The following SEZ6 variants were observed in gnomAD, a reference collection of about 807,000 sequenced individuals.
SEZ6 encodes the protein seizure related 6 homolog.
A neutral mutation model predicts 101.0 loss-of-function variants in SEZ6; 53 were observed. That is an observed-to-expected ratio of 0.52 (90% CI 0.42 to 0.66). The LOEUF (loss-of-function observed/expected upper bound fraction) is 0.66, where lower values mean the gene tolerates loss of function less well. Among genes scored for constraint, SEZ6 ranks in the 30% least tolerant of loss-of-function variants. SEZ6 has a pLI of 0.00. For synonymous variants in SEZ6, 488 were observed against 512.2 expected (o/e 0.95, Z 0.64); for missense variants, 1,102 against 1,289.4 (o/e 0.85, Z 2.23).
intron 2 of SEZ6, 53 bp from the exon 3 acceptor site, chr17:28,979,866 A>C: frequency 6.5e-7 from 1 of 1,540,704 alleles, no homozygotes; most frequent in Admixed American, 1.9e-5. Context: ...GAAGTGGTCC[A>C]ACTAAGGCTG....
Position 28,959,675 on chromosome 17 carries a change from C to T in SEZ6, c.1771+23G>A, listed in dbSNP as rs1171201402. The T allele has an allele frequency of 5.8e-6, 9 of 1,562,294 alleles. No individual in the cohort carries two copies. The highest frequency in any genetic ancestry group is 6.9e-6 in the Non-Finnish European group (8 of 1,153,402). On this transcript the variant is annotated intron_variant, in intron 8 of 16. Coordinates refer to ENST00000317338, the MANE Select transcript of SEZ6 (RefSeq NM_178860.5). This position sits in a 1 kb window ranked among gnomAD's most constrained non-coding sequence, Gnocchi z 4.4. ...ATGACCCTGCCTTTTGCCCGGTAGGCCCATCCACTGGTGTCTACTGACCTC... is the reference window on the plus strand; with the variant it reads ...ATGACCCTGCCTTTTGCCCGGTAGGTCCATCCACTGGTGTCTACTGACCTC...
intron 1 of SEZ6, among the ~76,000 whole-genome samples, chr17:28,999,050 CCAAT>C (rs944424530): frequency 1.3e-5 from 2 of 152,136 alleles, no homozygotes; most frequent in African/African-American, 4.8e-5. Context: ...TATATTCCTC[CCAAT>C]CAAAGCACCT....
At chr17:28,992,688 A>G (rs145493046) in intron 1 of SEZ6, among the ~76,000 whole-genome samples, 308 of 152,008 alleles carry the variant, frequency 2.0e-3, no homozygotes, top group African/African-American at 7.1e-3. Flanking sequence ...TGGGGGAGGG[A>G]GAGACTAGTT....
At chr17:28,987,726 T>C (rs1297989545) in intron 1 of SEZ6, among the ~76,000 whole-genome samples, 1 of 152,166 alleles carries the variant, frequency 6.6e-6, no homozygotes, top group Non-Finnish European at 1.5e-5. Flanking sequence ...GTGCTGACCA[T>C]GCACTCAGTG....
intron 4 of SEZ6, among the ~76,000 whole-genome samples, chr17:28,969,388 C>CAGAA (rs1203906093): frequency 7.9e-5 from 12 of 152,180 alleles, no homozygotes; most frequent in Non-Finnish European, 1.6e-4. Flanking sequence ...AGAAAGAACT[C>CAGAA]CTTGAGGACA....
In SEZ6 at chr17:28,956,166, T is replaced by C. The variant is rs2040874204; in HGVS notation, c.2945A>G (p.Glu982Gly). Residue 982 changes from glutamate to glycine, a missense_variant, in exon 16 of 17, where the codon GAG (glutamate) becomes GGG (glycine). Around this residue, in one of 3 missense-constraint regions of SEZ6, gnomAD observed 140 missense variants for 135.7 expected, o/e 1.03. Transcript: ENST00000317338. The stretch of plus-strand genomic sequence containing the variant: ...GCTGGCATGGTTACTTACTCCAGTC[T>C]CGTAAGTTGGATTGTCAAACGCTGA... ...IESAFDNPTYETGSLSFAGDE... is the reference protein window; with the variant it reads ...IESAFDNPTYGTGSLSFAGDE... The C allele has an allele frequency of 6.7e-7, 1 of 1,488,022 alleles. No homozygotes were observed. 92.2% of individuals were successfully genotyped at this position (1,488,022 alleles called of 1,614,324 possible). A position where few individuals can be genotyped will look rare whatever the true frequency, so the allele number is the denominator to read the frequency against.
chr17:29,003,845 G>T (rs1300983800), intron 1 of SEZ6, among the ~76,000 whole-genome samples: 1 of 152,076 alleles, frequency 6.6e-6, no homozygotes, highest in East Asian at 1.9e-4. Context: ...TATCCCACTG[G>T]CAGGTGCCTC....
chr17:28,999,299 G>T (rs1417608074), intron 1 of SEZ6, among the ~76,000 whole-genome samples: 1 of 152,060 alleles, frequency 6.6e-6, no homozygotes, highest in East Asian at 1.9e-4. Context: ...GCATGCTCAG[G>T]GTCTAGGATT....
intron 3 of SEZ6, among the ~76,000 whole-genome samples, chr17:28,973,485 G>T (rs186809727): frequency 3.7e-3 from 558 of 152,274 alleles, no homozygotes; most frequent in African/African-American, 0.013. Flanking sequence ...CTCTGGTCCA[G>T]GGGAGGCATG....
chr17:28,993,643 C>T (rs1285090570), intron 1 of SEZ6, among the ~76,000 whole-genome samples: 1 of 152,200 alleles, frequency 6.6e-6, no homozygotes, highest in African/African-American at 2.4e-5. Flanking sequence ...CCCCTCCATC[C>T]TTTGCCCTAC....
chr17:28,974,819 G>A (rs1411448627), intron 3 of SEZ6, among the ~76,000 whole-genome samples: 2 of 152,206 alleles, frequency 1.3e-5, no homozygotes, highest in South Asian at 2.1e-4. Context: ...ACCGGTCTCC[G>A]CCTGGGTCTC....
chr17:28,956,277 G>T lies in SEZ6; in HGVS notation c.2850-16C>A. The T allele has an allele frequency of 6.3e-7, 1 of 1,595,552 alleles. No individual in the cohort carries two copies. Among genetic ancestry groups the T allele is most frequent in the Non-Finnish European group, 8.5e-7 (1 of 1,170,984 alleles). On this transcript the variant is annotated splice_polypyrimidine_tract_variant and intron_variant, in intron 15 of 16. Transcript: ENST00000317338. ...TCCCTGGAGCCTGTGGGGCAGAGAAGCCTGCAAGTCAGGAGCACTGGGTAG... is the reference window on the plus strand; with the variant it reads ...TCCCTGGAGCCTGTGGGGCAGAGAATCCTGCAAGTCAGGAGCACTGGGTAG...
chr17:28,959,712 T>C lies in SEZ6; in HGVS notation c.1757A>G (p.Glu586Gly). ...DPHDPQWNET[E>G]PACRAVCSGE... ...TGTCTACTGACCTCGGCAGGCTGGC[T>C]CTGTCTCATTCCACTGGGGGTCGTG... The change falls in exon 8 of 17, where the codon GAG becomes GGG. Residue 586 changes from glutamate to glycine, a missense_variant. By Grantham distance (98) the Glu-to-Gly change is moderately conservative (BLOSUM62 -2). Transcript: ENST00000317338. The surrounding 1 kb of genome is among the most constrained non-coding windows in gnomAD (Gnocchi z 4.4). 6.3e-7 allele frequency: 1 copy of C among 1,597,864 alleles called. No individual in the cohort carries two copies. The highest frequency in any genetic ancestry group is 8.5e-7 in the Non-Finnish European group (1 of 1,170,944).
chr17:28,958,101 G>A lies in SEZ6; in HGVS notation c.2148C>T (p.Ile716=). The A allele has an allele frequency of 6.2e-7, 1 of 1,606,492 alleles. No homozygotes were observed. Among genetic ancestry groups the A allele is most frequent in the Non-Finnish European group, 8.5e-7 (1 of 1,173,716 alleles). The part of the protein sequence containing the change: ...RNDTCPELPE[I]PNGWKSPSQP... ...GCGATGGGCTCTTCCAGCCATTGGGGATCTCAGGCAGCTCCGGACATGTGT... is the reference window on the plus strand; with the variant it reads ...GCGATGGGCTCTTCCAGCCATTGGGAATCTCAGGCAGCTCCGGACATGTGT... The change falls in exon 11 of 17, where the codon ATC becomes ATT. Residue 716 remains isoleucine (I), a synonymous_variant. Transcript: ENST00000317338.
At chr17:28,983,495 C>A (rs2041338533) in intron 1 of SEZ6, among the ~76,000 whole-genome samples, 1 of 152,174 alleles carries the variant, frequency 6.6e-6, no homozygotes, top group African/African-American at 2.4e-5. Context: ...GAGATTGGCT[C>A]TGGGGGATGA....
Position 28,959,295 on chromosome 17 carries a change from C to T in SEZ6, c.1910+39G>A. ...GGGCTGGACAAGGGATATCCCCAGACCTCAGGAGTTGGCTCGGCCTGACCC... is the reference window on the plus strand; with the variant it reads ...GGGCTGGACAAGGGATATCCCCAGATCTCAGGAGTTGGCTCGGCCTGACCC... On this transcript the variant is annotated intron_variant, in intron 9 of 16. Coordinates refer to ENST00000317338, the MANE Select transcript of SEZ6 (RefSeq NM_178860.5). This position sits in a 1 kb window ranked among gnomAD's most constrained non-coding sequence, Gnocchi z 4.4. 6.2e-7 allele frequency: 1 copy of T among 1,613,870 alleles called. No homozygotes were observed. Among genetic ancestry groups the T allele is most frequent in the Non-Finnish European group, 8.5e-7 (1 of 1,179,844 alleles).
chr17:28,982,493 A>G (rs895590586), intron 1 of SEZ6, among the ~76,000 whole-genome samples: 1 of 152,246 alleles, frequency 6.6e-6, no homozygotes, highest in Non-Finnish European at 1.5e-5. Flanking sequence ...TGAGATGAAA[A>G]CCGTAAGTGT....
At position 28,960,593 on chromosome 17, in the gene SEZ6, C is replaced by T. The variant is rs1480256467; in HGVS notation, c.1488G>A (p.Glu496=). The T allele has an allele frequency of 4.4e-6, 7 of 1,591,830 alleles. No individual in the cohort carries two copies. Among genetic ancestry groups the T allele is most frequent in the African/African-American group, 1.3e-5 (1 of 74,508 alleles). ...AGTGTTTGCCAGAGCTGAGCAGGCC[C>T]TCAATGGGCAGGTATTCCACCTCAT... ...DSYEVEYLPI[E]GLLSSGKHFF... The change falls in exon 7 of 17, where the codon GAG becomes GAA. Residue 496 remains glutamate, a synonymous_variant. Coordinates refer to ENST00000317338, the MANE Select transcript of SEZ6 (RefSeq NM_178860.5).
chr17:28,991,626 G>A (rs1252153412), intron 1 of SEZ6, among the ~76,000 whole-genome samples: 1 of 152,200 alleles, frequency 6.6e-6, no homozygotes, highest in African/African-American at 2.4e-5. Context: ...CCAGGGTGGG[G>A]CTCCTGGAAA....
Sources: allele counts gnomAD v4.1 joint callset (sites outside exome capture counted in the v4.1 genomes callset), GRCh38; gene constraint gnomAD v4.1.1; regional missense constraint gnomAD v4.1.1; non-coding constraint Gnocchi (gnomAD v3.1); transcripts MANE v1.5; gene names NCBI Gene and HGNC (gene_info 2026-07-23, HGNC 2026-07-21).